The following ZFYVE26 variants were observed in gnomAD, a reference collection of about 807,000 sequenced individuals.
The protein encoded by ZFYVE26 is zinc finger FYVE-type containing 26.
In ZFYVE26, 181 loss-of-function variants were observed where a neutral mutation model predicts 276.5. The ratio of observed to expected loss-of-function variants is 0.65; its 90% CI spans 0.58 to 0.74. The LOEUF (loss-of-function observed/expected upper bound fraction) is 0.74. Ranked by LOEUF, ZFYVE26 falls within the 30% of genes least tolerant of loss-of-function variation. The probability of loss-of-function intolerance (pLI) is 0.00; values close to 1 mark genes in which losing one functional copy is unlikely to be tolerated. For missense variants in ZFYVE26, 2,821 were observed against 3,097.9 expected, an observed-to-expected ratio of 0.91 and a Z score of 2.12; for synonymous variants, 1,129 against 1,203.1, an observed-to-expected ratio of 0.94 and a Z score of 1.27.
chr14:67,750,308 T>C (rs2038602046), intron 41 of ZFYVE26, among the ~76,000 whole-genome samples: 1 of 152,218 alleles, frequency 6.6e-6, no homozygotes, highest in South Asian at 2.1e-4. Flanking sequence ...GGATTAGCAA[T>C]ACTGCCATGG....
chr14:67,782,749 G>A (rs748080616), intron 21 of ZFYVE26, 31 bp downstream of exon 21: 5 of 1,613,536 alleles, frequency 3.1e-6, no homozygotes, highest in South Asian at 1.1e-5. Context: ...ATTACCACTA[G>A]TGAAAAAGGG....
downstream of ZFYVE26, among the ~76,000 whole-genome samples, chr14:67,743,469 G>T (rs12894770): frequency 0.97 from 147,206 of 151,688 alleles, 71,550 homozygotes; most frequent in East Asian, 1. Flanking sequence ...CCAGCCTGAG[G>T]GACAGAGCCA....
At chr14:67,778,428 A>T (rs981065938) in intron 23 of ZFYVE26, 180 bp from the exon 24 acceptor site, 5 of 705,320 alleles carry the variant, frequency 7.1e-6, no homozygotes, top group Non-Finnish European at 1.2e-5. Flanking sequence ...ACCATAAAAA[A>T]AAGCAGATGA....
At chr14:67,751,301 G>A (rs758093101) in intron 40 of ZFYVE26, 28 of 634,410 alleles carry the variant, frequency 4.4e-5, no homozygotes, top group Non-Finnish European at 7.6e-5. Flanking sequence ...ACTATTGATA[G>A]CAAAGGAATT....
intron 32 of ZFYVE26, 26 bp downstream of exon 32, chr14:67,766,201 A>G (rs1223736202): frequency 6.2e-7 from 1 of 1,611,420 alleles, no homozygotes; most frequent in Non-Finnish European, 8.5e-7. Flanking sequence ...TCCTGTGTAA[A>G]AGAATAGAGA....
chr14:67,801,516 G>C (rs530908641), intron 10 of ZFYVE26, among the ~76,000 whole-genome samples: 2 of 152,096 alleles, frequency 1.3e-5, no homozygotes, highest in African/African-American at 4.8e-5. Context: ...CCAAAGCTAG[G>C]AGAGAGGGAA....
At chr14:67,775,822 C>T (rs143088605) in intron 26 of ZFYVE26, 38 bp downstream of exon 26, 4 of 1,613,702 alleles carry the variant, frequency 2.5e-6, no homozygotes, top group Admixed American at 1.7e-5. Context: ...GCATTTCTTC[C>T]TCCATGTAGA....
At chr14:67,760,307 G>A (rs1296230454) in intron 35 of ZFYVE26, among the ~76,000 whole-genome samples, 2 of 152,180 alleles carry the variant, frequency 1.3e-5, no homozygotes, top group Non-Finnish European at 2.9e-5. Context: ...CTGGTTAGTA[G>A]CTAAGAATAG....
At position 67,767,782 on chromosome 14, in the gene ZFYVE26, T is replaced by C. The variant is rs1391052284; in HGVS notation, c.5712A>G (p.Lys1904=). 9 of 1,614,100 alleles carry C rather than the reference T, an allele frequency of 5.6e-6. No individual in the cohort carries two copies. The highest frequency in any genetic ancestry group is 7.6e-6 in the Non-Finnish European group (9 of 1,180,054). The part of the protein sequence containing the change: ...PPYSFVVRVP[K]ADEVEWILDL... ...CCAAAATCCATTCCACCTCATCTGC[T>C]TTGGGGACTCTCACCACAAACGAGT... The change falls in exon 31 of 42, where the codon AAA becomes AAG. Residue 1904 remains lysine, a synonymous_variant. Transcript: ENST00000347230.
chr14:67,807,682 A>G lies in ZFYVE26; in HGVS notation c.602T>C (p.Leu201Ser), dbSNP rs1360730469. The change falls in exon 5 of 42, where the codon TTG (leucine) becomes TCG (serine). Residue 201 changes from leucine (L) to serine (S), a missense_variant. Transcript: ENST00000347230. ...CGAATCAGGGCCCTGCAAAGCCCGCAATGCCTTTCGAATGAGGTCCACCAG... is the reference window on the plus strand; with the variant it reads ...CGAATCAGGGCCCTGCAAAGCCCGCGATGCCTTTCGAATGAGGTCCACCAG... ...NALVDLIRKALRALQGPDSVP... is the reference protein window; with the variant it reads ...NALVDLIRKASRALQGPDSVP... The G allele has an allele frequency of 3.7e-6, 6 of 1,614,192 alleles. No individual in the cohort carries two copies. Among genetic ancestry groups the G allele is most frequent in the Non-Finnish European group, 5.1e-6 (6 of 1,180,020 alleles).
chr14:67,806,260 G>T (rs1223129043), intron 6 of ZFYVE26, among the ~76,000 whole-genome samples: 2 of 152,188 alleles, frequency 1.3e-5, no homozygotes, highest in Admixed American at 1.3e-4. Flanking sequence ...GCAACATATT[G>T]TTGCCACTGC....
chr14:67,749,898 G>A (rs1233840411), intron 41 of ZFYVE26, among the ~76,000 whole-genome samples: 1 of 152,208 alleles, frequency 6.6e-6, no homozygotes, highest in Non-Finnish European at 1.5e-5. Flanking sequence ...AGAGAGTCTG[G>A]AATGGAGTTG....
chr14:67,784,531 G>A (rs2039598624), intron 19 of ZFYVE26, 95 bp from the exon 20 acceptor site: 1 of 1,098,716 alleles, frequency 9.1e-7, no homozygotes, highest in Admixed American at 1.7e-5. Context: ...ACAGTGTCAA[G>A]ATGAAGACAA....
chr14:67,800,485 TA>T (rs541910986), intron 10 of ZFYVE26, among the ~76,000 whole-genome samples: 38 of 150,064 alleles, frequency 2.5e-4, no homozygotes, highest in Non-Finnish European at 3.4e-4. Context: ...GTTTTTTGGT[TA>T]AAAAAAAAAT....
downstream of ZFYVE26, among the ~76,000 whole-genome samples, chr14:67,742,202 T>A (rs2038422612): frequency 6.6e-6 from 1 of 152,146 alleles, no homozygotes; most frequent in Non-Finnish European, 1.5e-5. Context: ...AGTAGTCACA[T>A]TCACAGACAA....
chr14:67,768,560 G>T lies in ZFYVE26; in HGVS notation c.5622-12C>A. 1.2e-6 allele frequency: 2 copies of T among 1,613,950 alleles called. No homozygotes were observed. The highest frequency in any genetic ancestry group is 1.7e-6 in the Non-Finnish European group (2 of 1,179,860). On this transcript the variant is annotated splice_polypyrimidine_tract_variant and intron_variant, in intron 29 of 41. Coordinates refer to ENST00000347230, the MANE Select transcript of ZFYVE26 (RefSeq NM_015346.4). ...GCTCCTCTGGTACACTGAAAACAGA[G>T]AAAGAAAAATTATTAAATAAATGCC...
At chr14:67,801,584 G>A (rs2040080037) in intron 10 of ZFYVE26, among the ~76,000 whole-genome samples, 1 of 152,138 alleles carries the variant, frequency 6.6e-6, no homozygotes, top group South Asian at 2.1e-4. Context: ...AATGAGAGAG[G>A]ATAGGACCAT....
chr14:67,798,158 G>A lies in ZFYVE26; in HGVS notation c.2104C>T (p.Arg702Cys), dbSNP rs777973595. 1.2e-6 allele frequency: 2 copies of A among 1,614,016 alleles called. No individual in the cohort carries two copies. The highest frequency in any genetic ancestry group is 2.2e-5 in the East Asian group (1 of 44,878). ...TGCTTTGGCTTCTCAGGAGGGCTGC[G>A]GCTACTGATCTCATCCAGTTGCTCT... Reference protein sequence around the residue: ...LQEQLDEISSRSPPEKPKQES... With the variant: ...LQEQLDEISSCSPPEKPKQES... Residue 702 changes from arginine (R) to cysteine (C), a missense_variant, in exon 11 of 42, where the codon CGC becomes TGC. Coordinates refer to ENST00000347230, the MANE Select transcript of ZFYVE26 (RefSeq NM_015346.4).
intron 27 of ZFYVE26, among the ~76,000 whole-genome samples, chr14:67,772,512 G>A (rs1400544061): frequency 6.6e-6 from 1 of 152,198 alleles, no homozygotes; most frequent in Non-Finnish European, 1.5e-5. Flanking sequence ...GACGCAGATT[G>A]CCACAGGAAG....
Sources: gnomAD v4.1 joint callset for allele counts (sites outside exome capture counted in the v4.1 genomes callset) on GRCh38, gnomAD v4.1.1 for gene constraint, MANE v1.5 for transcripts, NCBI Gene and HGNC (gene_info 2026-07-23, HGNC 2026-07-21) for gene names.